The following HTR3B variants were observed in gnomAD, a reference collection of about 807,000 sequenced individuals.
The protein encoded by HTR3B is 5-hydroxytryptamine receptor 3B.
In HTR3B, 44 loss-of-function variants were observed where a neutral mutation model predicts 42.8. The ratio of observed to expected loss-of-function variants is 1.03; its 90% CI spans 0.81 to 1.32. The LOEUF (loss-of-function observed/expected upper bound fraction) is 1.32, where lower values mean the gene tolerates loss of function less well. Among genes scored for constraint, HTR3B ranks in the 40% most tolerant of loss-of-function variants. HTR3B has a pLI of 0.00. For missense variants in HTR3B, 527 were observed against 536.5 expected (o/e 0.98, Z 0.17); for synonymous variants, 203 against 209.0 (o/e 0.97, Z 0.25).
chr11:113,903,666 G>T (rs1949712168), upstream of HTR3B, among the ~76,000 whole-genome samples: 1 of 151,942 alleles, frequency 6.6e-6, no homozygotes, highest in Non-Finnish European at 1.5e-5. Context: ...AACCTCAAGT[G>T]ATCCACTGGC....
upstream of HTR3B, chr11:113,904,645 T>A: frequency 2.7e-6 from 1 of 364,078 alleles, no homozygotes; most frequent in Non-Finnish European, 5.1e-6. Flanking sequence ...TTCACTTAGC[T>A]ATCTCCTGTC....
Position 113,907,244 on chromosome 11 carries a change from G to A in HTR3B, c.53-2051G>A, listed in dbSNP as rs1330812525. On this transcript the variant is annotated intron_variant, in intron 1 of 8. Coordinates refer to ENST00000260191, the MANE Select transcript of HTR3B (RefSeq NM_006028.5). Reference sequence around the variant, plus strand: ...TAGCATTCAAGAAGGCAGTTTTGGCGAGGAATCTTTTCTGGGTCTGTTGAT... The same window carrying A: ...TAGCATTCAAGAAGGCAGTTTTGGCAAGGAATCTTTTCTGGGTCTGTTGAT... 2.0e-5 allele frequency among the ~76,000 whole-genome samples: 3 copies of A among 152,182 alleles called. No homozygotes were observed. In the South Asian group the frequency reaches 6.2e-4, roughly 32 times the overall value.
rs761310328 is a variant in HTR3B at position 113,946,134 on chromosome 11, G to A, written c.1323G>A (p.Val441=). ...LCSLWALWGG[V] ...CCCTCTGGGCACTGTGGGGCGGCGTGTGAAGACTGAAGTGTTCTTCAGTAA... is the reference window on the plus strand; with the variant it reads ...CCCTCTGGGCACTGTGGGGCGGCGTATGAAGACTGAAGTGTTCTTCAGTAA... The change falls in exon 9 of 9, where the codon GTG becomes GTA. Residue 441 remains valine, a synonymous_variant. Transcript: ENST00000260191. 64 of 1,607,856 alleles carry A rather than the reference G, an allele frequency of 4.0e-5. No individual in the cohort carries two copies. Among genetic ancestry groups the A allele is most frequent in the Non-Finnish European group, 5.1e-5 (60 of 1,174,764 alleles).
chr11:113,935,637 T>C lies in HTR3B; in HGVS notation c.696+2544T>C, dbSNP rs1950085554. ...TCTTACTCCATACCAGACATCCCAC[T>C]CTGAATTTAGCAACCAAGGCACCTG... On this transcript the variant is annotated intron_variant, in intron 6 of 8. Transcript: ENST00000260191. Among the ~76,000 whole-genome samples, 3 of 152,180 alleles carry C rather than the reference T, an allele frequency of 2.0e-5. No individual in the cohort carries two copies. The South Asian group carries it at 6.2e-4, about 32-fold the overall frequency.
intron 2 of HTR3B, among the ~76,000 whole-genome samples, chr11:113,913,468 C>T (rs577235303): frequency 5.4e-4 from 79 of 145,104 alleles, no homozygotes; most frequent in Non-Finnish European, 9.9e-4. Flanking sequence ...GCCTTGGCCT[C>T]CCAAAGTGCT....
rs1949760856 is a variant in HTR3B, at chr11:113,909,396, A to C, written c.154A>C (p.Asn52His). The part of the protein sequence containing the change: ...KYHKEVRPVY[N>H]WTKATTVYLD... The stretch of plus-strand genomic sequence containing the variant: ...TCATAAAGAAGTGAGACCTGTTTAC[A>C]ACTGGACCAAGGCCACCACAGTCTA... Residue 52 changes from asparagine to histidine, a missense_variant, in exon 2 of 9, where the codon AAC becomes CAC. By Grantham distance (68) the Asn-to-His change is moderately conservative. Coordinates refer to ENST00000260191, the MANE Select transcript of HTR3B (RefSeq NM_006028.5). 4.3e-6 allele frequency: 7 copies of C among 1,614,170 alleles called. No individual in the cohort carries two copies. The highest frequency in any genetic ancestry group is 5.9e-6 in the Non-Finnish European group (7 of 1,179,984).
chr11:113,931,630 C>G lies in HTR3B; in HGVS notation c.259-128C>G, dbSNP rs1591581491. The G allele has an allele frequency of 1.3e-5, 9 of 688,200 alleles. No individual in the cohort carries two copies. The East Asian group carries it at 2.4e-4, about 18-fold the overall frequency. 42.6% of individuals were successfully genotyped at this position (688,200 alleles called of 1,614,324 possible). On this transcript the variant is annotated intron_variant, in intron 3 of 8. Transcript: ENST00000260191. Reference sequence around the variant, plus strand: ...CATCTTTAGGATTCAGATGGGAAGTCCTTTCTCCTAACAGGTAGAACCAAG... The same window carrying G: ...CATCTTTAGGATTCAGATGGGAAGTGCTTTCTCCTAACAGGTAGAACCAAG...
intron 2 of HTR3B, among the ~76,000 whole-genome samples, chr11:113,925,417 G>GTTTTTT (rs201996305): frequency 2.7e-4 from 27 of 100,724 alleles, no homozygotes; most frequent in African/African-American, 3.4e-4. Flanking sequence ...TTACGAATTT[G>GTTTTTT]TTTTTTTTTT....
At position 113,948,912 on chromosome 11, in the gene HTR3B, T is replaced by A. The variant is rs1448688852; in HGVS notation, c.*2775T>A. On this transcript the variant is annotated 3_prime_UTR_variant, in exon 9 of 9. Transcript: ENST00000260191. Reference sequence around the variant, plus strand: ...GCTTTGGGAAGGGGGAGGGATAGCATTAGAAGATATACCTAATGTTAATGG... The same window carrying A: ...GCTTTGGGAAGGGGGAGGGATAGCAATAGAAGATATACCTAATGTTAATGG... Among the ~76,000 whole-genome samples, 2 of 151,822 alleles carry A rather than the reference T, an allele frequency of 1.3e-5. No homozygotes were observed. The highest frequency in any genetic ancestry group is 2.9e-5 in the Non-Finnish European group (2 of 67,992).
At position 113,932,925 on chromosome 11, in the gene HTR3B, G is replaced by A; in HGVS notation, c.539-11G>A. 1.2e-6 allele frequency: 2 copies of A among 1,612,480 alleles called. No homozygotes were observed. The highest frequency in any genetic ancestry group is 4.5e-5 in the East Asian group (2 of 44,876). On this transcript the variant is annotated splice_polypyrimidine_tract_variant and intron_variant, in intron 5 of 8. Coordinates refer to ENST00000260191, the MANE Select transcript of HTR3B (RefSeq NM_006028.5). ...CTCTCTGGGAAAGTCAATTGTTTGT[G>A]TTGTTTGCAGTGGAAGACGTAGACC...
upstream of HTR3B, among the ~76,000 whole-genome samples, chr11:113,902,630 T>C (rs750349698): frequency 5.9e-5 from 9 of 152,212 alleles, no homozygotes; most frequent in Middle Eastern, 3.2e-3. Flanking sequence ...TGTGCTGGTC[T>C]TACAAACAAG....
intron 6 of HTR3B, among the ~76,000 whole-genome samples, chr11:113,935,743 C>G (rs77723366): frequency 0.011 from 1,648 of 152,288 alleles, 18 homozygotes; most frequent in African/African-American, 0.037. Context: ...CTGCCAGGGT[C>G]CTGACAGCAA....
chr11:113,902,669 T>TTCC (rs1480172954), upstream of HTR3B, among the ~76,000 whole-genome samples: 2 of 152,184 alleles, frequency 1.3e-5, no homozygotes, highest in Non-Finnish European at 2.9e-5. Context: ...CTCTATACAA[T>TTCC]TAAAATCAGG....
At chr11:113,918,390 C>G (rs572494537) in intron 2 of HTR3B, among the ~76,000 whole-genome samples, 4 of 151,980 alleles carry the variant, frequency 2.6e-5, no homozygotes, top group Admixed American at 1.3e-4. Context: ...CCCCCAGGTG[C>G]TATCCCTTTA....
chr11:113,920,821 A>T (rs1565559609), intron 2 of HTR3B, among the ~76,000 whole-genome samples: 3 of 150,654 alleles, frequency 2.0e-5, no homozygotes, highest in Non-Finnish European at 4.4e-5. Flanking sequence ...TTTTATTTTT[A>T]TTTTTTTTTG....
chr11:113,922,407 T>C (rs1189111888), intron 2 of HTR3B, among the ~76,000 whole-genome samples: 1 of 151,824 alleles, frequency 6.6e-6, no homozygotes, highest in Non-Finnish European at 1.5e-5. Context: ...CTAATTTTTG[T>C]ATTTTTTGTA....
At chr11:113,922,768 G>A (rs948281741) in intron 2 of HTR3B, among the ~76,000 whole-genome samples, 1 of 151,632 alleles carries the variant, frequency 6.6e-6, no homozygotes, top group African/African-American at 2.4e-5. Flanking sequence ...TGTTAGCCGG[G>A]ATGGTCTCAA....
upstream of HTR3B, among the ~76,000 whole-genome samples, chr11:113,900,407 G>T (rs1254840501): frequency 6.6e-6 from 1 of 152,194 alleles, no homozygotes; most frequent in Non-Finnish European, 1.5e-5. Context: ...AAACAATGCA[G>T]ATAAAAAGCT....
At chr11:113,906,480 G>T (rs1949735704) in intron 1 of HTR3B, among the ~76,000 whole-genome samples, 1 of 152,140 alleles carries the variant, frequency 6.6e-6, no homozygotes, top group African/African-American at 2.4e-5. Context: ...AGACAGCATT[G>T]TTAAATTGTA....
Sources: gnomAD v4.1 joint callset for allele counts (sites outside exome capture counted in the v4.1 genomes callset) on GRCh38, gnomAD v4.1.1 for gene constraint, MANE v1.5 for transcripts, NCBI Gene and HGNC (gene_info 2026-07-23, HGNC 2026-07-21) for gene names.